Variants in RELB observed in about 807,000 individuals in gnomAD.
RELB encodes the protein transcription factor RelB.
A neutral mutation model predicts 55.4 loss-of-function variants in RELB; 14 were observed. The observed-to-expected ratio is 0.25, with a 90% CI of 0.17 to 0.40. The LOEUF (loss-of-function observed/expected upper bound fraction) is 0.40, where lower values mean the gene tolerates loss of function less well. Ranked by LOEUF, RELB falls within the 10% of genes least tolerant of loss-of-function variation. The pLI, the probability that RELB is intolerant of heterozygous loss-of-function variation, is 1.00. For missense variants in RELB, 669 were observed against 830.7 expected (o/e 0.81, Z 2.39); for synonymous variants, 409 against 371.3 (o/e 1.10, Z -1.17).
At chr19:45,002,387 C>T (rs1299053794) in intron 1 of RELB, among the ~76,000 whole-genome samples, 2 of 152,156 alleles carry the variant, frequency 1.3e-5, no homozygotes, top group Non-Finnish European at 2.9e-5. Context: ...GAGTCTCGCT[C>T]TGTCGCCCAG....
rs184686651 is a variant in RELB at position 45,028,847 on chromosome 19, G to A, written c.887-41G>A. 570 of 1,521,412 alleles carry A rather than the reference G, an allele frequency of 3.7e-4. 2 individuals are homozygous for A. The African/African-American group carries it at 4.8e-3, about 13-fold the overall frequency. 94.2% of individuals were successfully genotyped at this position (1,521,412 alleles called of 1,614,324 possible). Reference sequence around the variant, plus strand: ...TAAGGCTTTGGTGACTGAATTCTCGGGATTTTTTTTAATACACTTCTTCCT... The same window carrying A: ...TAAGGCTTTGGTGACTGAATTCTCGAGATTTTTTTTAATACACTTCTTCCT... On this transcript the variant is annotated intron_variant, in intron 7 of 11. Coordinates refer to ENST00000221452, the MANE Select transcript of RELB (RefSeq NM_006509.4).
intron 4 of RELB, among the ~76,000 whole-genome samples, chr19:45,018,712 T>C (rs1196298839): frequency 6.6e-6 from 1 of 151,714 alleles, no homozygotes; most frequent in Non-Finnish European, 1.5e-5. Flanking sequence ...GTTTCGCTCT[T>C]GTTGCCCAGG....
chr19:45,032,467 C>A, intron 8 of RELB, 67 bp from the exon 9 acceptor site: 1 of 1,332,532 alleles, frequency 7.5e-7, no homozygotes, highest in Non-Finnish European at 1.1e-6. Flanking sequence ...TTAGGGGAGG[C>A]TGGGCAAGTT....
chr19:45,019,618 G>T (rs553960985), intron 4 of RELB, among the ~76,000 whole-genome samples: 1 of 152,216 alleles, frequency 6.6e-6, no homozygotes, highest in South Asian at 2.1e-4. Context: ...CAAGGATCAT[G>T]TTGCATTTGG....
chr19:45,022,704 C>T (rs1971505055), intron 5 of RELB, among the ~76,000 whole-genome samples: 1 of 151,970 alleles, frequency 6.6e-6, no homozygotes, highest in African/African-American at 2.4e-5. Flanking sequence ...TGCGACACTA[C>T]ACCCAGCGAA....
chr19:45,014,409 A>C (rs2122422426), intron 4 of RELB, among the ~76,000 whole-genome samples: 1 of 150,756 alleles, frequency 6.6e-6, no homozygotes, highest in African/African-American at 2.4e-5. Flanking sequence ...GGCCTCAAGC[A>C]ATCCTCCCAC....
chr19:45,016,584 T>G (rs1971423333), intron 4 of RELB, among the ~76,000 whole-genome samples: 1 of 152,140 alleles, frequency 6.6e-6, no homozygotes, highest in South Asian at 2.1e-4. Context: ...GGTTGCAATC[T>G]TTGAAAATTC....
At chr19:45,031,986 C>T (rs1227513897) in intron 8 of RELB, among the ~76,000 whole-genome samples, 1 of 151,446 alleles carries the variant, frequency 6.6e-6, no homozygotes, top group Non-Finnish European at 1.5e-5. Context: ...ATCTGTAATC[C>T]CAGCACTTTG....
rs1971495434 is a variant in RELB, at chr19:45,022,048, T to G, written c.505-5T>G. Reference sequence around the variant, plus strand: ...GACCCCCAAAGAGGACTTCTCTTCCTGCAGCTCCGGGATTGTGGAGGGCTG... The same window carrying G: ...GACCCCCAAAGAGGACTTCTCTTCCGGCAGCTCCGGGATTGTGGAGGGCTG... On this transcript the variant is annotated splice_region_variant and splice_polypyrimidine_tract_variant and intron_variant, in intron 4 of 11. Coordinates refer to ENST00000221452, the MANE Select transcript of RELB (RefSeq NM_006509.4). 1 of 1,605,068 alleles carries G rather than the reference T, an allele frequency of 6.2e-7. No individual in the cohort carries two copies. Among genetic ancestry groups the G allele is most frequent in the Non-Finnish European group, 8.5e-7 (1 of 1,174,988 alleles).
intron 7 of RELB, among the ~76,000 whole-genome samples, chr19:45,027,063 AC>A (rs1261080752): frequency 2.0e-5 from 3 of 151,812 alleles, no homozygotes; most frequent in Non-Finnish European, 4.4e-5. Context: ...CCCCGTCTCT[AC>A]TAAAAATCCA....
chr19:45,016,790 G>A (rs959303642), intron 4 of RELB, among the ~76,000 whole-genome samples: 1 of 152,178 alleles, frequency 6.6e-6, no homozygotes, highest in Non-Finnish European at 1.5e-5. Flanking sequence ...CTGGGAGGCG[G>A]AGGTTGCAGT....
At chr19:45,034,567 G>T in intron 11 of RELB, 39 bp downstream of exon 11, 1 of 1,543,682 alleles carries the variant, frequency 6.5e-7, no homozygotes. Flanking sequence ...TCCCCTGGGT[G>T]GGCAGAGGGT....
chr19:45,033,195 C>A (rs953887205), intron 9 of RELB, among the ~76,000 whole-genome samples: 4 of 152,100 alleles, frequency 2.6e-5, no homozygotes, highest in Admixed American at 2.0e-4. Context: ...AGAGGGGGTA[C>A]CTGACCCAGC....
At chr19:45,003,348 T>A (rs1235374850) in intron 2 of RELB, among the ~76,000 whole-genome samples, 4 of 151,308 alleles carry the variant, frequency 2.6e-5, no homozygotes, top group Non-Finnish European at 4.4e-5. Context: ...GGTGGCGGGC[T>A]CCTGTAGTCC....
At chr19:45,037,298 A>T in intron 11 of RELB, 107 bp from the exon 12 acceptor site, 4 of 1,170,256 alleles carry the variant, frequency 3.4e-6, no homozygotes, top group Non-Finnish European at 4.6e-6. Flanking sequence ...AAAAAAAAAA[A>T]GGCCACCTTG....
At chr19:45,007,923 G>A (rs1374121831) in intron 2 of RELB, among the ~76,000 whole-genome samples, 4 of 149,446 alleles carry the variant, frequency 2.7e-5, no homozygotes, top group African/African-American at 9.9e-5. Flanking sequence ...TTAGGAGGCC[G>A]AGGTGCGCGG....
intron 2 of RELB, among the ~76,000 whole-genome samples, chr19:45,005,272 G>A (rs1375139146): frequency 6.6e-6 from 1 of 152,204 alleles, no homozygotes; most frequent in Admixed American, 6.6e-5. Flanking sequence ...AAGCTCCCAA[G>A]AGATGCCTAG....
At chr19:45,024,276 C>T (rs955994040) in intron 5 of RELB, among the ~76,000 whole-genome samples, 1 of 152,158 alleles carries the variant, frequency 6.6e-6, no homozygotes, top group Non-Finnish European at 1.5e-5. Flanking sequence ...ATTCTCCTGC[C>T]TCAGCCTCCC....
At chr19:45,004,019 G>A (rs1265306479) in intron 2 of RELB, among the ~76,000 whole-genome samples, 1 of 141,910 alleles carries the variant, frequency 7.0e-6, no homozygotes, top group Non-Finnish European at 1.5e-5. Context: ...CACCTCCCGG[G>A]TTCAGCAATT....
Sources: allele counts gnomAD v4.1 joint callset (sites outside exome capture counted in the v4.1 genomes callset), GRCh38; gene constraint gnomAD v4.1.1; transcripts MANE v1.5; gene names NCBI Gene and HGNC (gene_info 2026-07-23, HGNC 2026-07-21).